The following RALA variants were observed in gnomAD, a reference collection of about 807,000 sequenced individuals.
RALA encodes RAS like proto-oncogene A, also known as ras-related protein Ral-A.
In RALA, 5 loss-of-function variants were observed where a neutral mutation model predicts 24.0. The ratio of observed to expected loss-of-function variants is 0.21; its 90% CI spans 0.11 to 0.44. The LOEUF is 0.44. Ranked by LOEUF, RALA falls within the 20% of genes least tolerant of loss-of-function variation. RALA has a pLI of 0.99. For missense variants in RALA, 95 were observed against 241.2 expected, an observed-to-expected ratio of 0.39 and a Z score of 4.01; for synonymous variants, 77 against 83.8, an observed-to-expected ratio of 0.92 and a Z score of 0.44.
chr7:39,690,305 A>C, intron 2 of RALA, 77 bp from the exon 3 acceptor site: 1 of 1,297,880 alleles, frequency 7.7e-7, no homozygotes, highest in East Asian at 2.5e-5. Flanking sequence ...TGGCAGCTTC[A>C]CATGAATTTA....
chr7:39,654,817 C>G (rs1468773098), intron 1 of RALA, among the ~76,000 whole-genome samples: 14 of 152,136 alleles, frequency 9.2e-5, no homozygotes, highest in Admixed American at 9.2e-4. Flanking sequence ...GTGGTGTGAT[C>G]ATGGCTCACT....
chr7:39,674,746 C>G (rs1305479275), intron 1 of RALA, among the ~76,000 whole-genome samples: 3 of 150,494 alleles, frequency 2.0e-5, no homozygotes, highest in African/African-American at 7.4e-5. Context: ...GGATGGGACC[C>G]AAGTCTAAAC....
At chr7:39,662,813 G>A (rs1792215966) in intron 1 of RALA, among the ~76,000 whole-genome samples, 1 of 151,976 alleles carries the variant, frequency 6.6e-6, no homozygotes, top group African/African-American at 2.4e-5. Context: ...ACATTTTTGG[G>A]TATCTTTACG....
At chr7:39,679,155 C>T (rs1792541482) in intron 1 of RALA, among the ~76,000 whole-genome samples, 1 of 150,850 alleles carries the variant, frequency 6.6e-6, no homozygotes, top group African/African-American at 2.4e-5. Context: ...TTTGTGGTTA[C>T]ATATTATTCC....
At chr7:39,675,981 CTT>C (rs1792480384) in intron 1 of RALA, among the ~76,000 whole-genome samples, 2 of 151,776 alleles carry the variant, frequency 1.3e-5, no homozygotes, top group South Asian at 4.2e-4. Context: ...GATCATAAGT[CTT>C]TTTATTTTTT....
At chr7:39,646,618 C>A (rs1791927147) in intron 1 of RALA, among the ~76,000 whole-genome samples, 1 of 152,150 alleles carries the variant, frequency 6.6e-6, no homozygotes, top group Non-Finnish European at 1.5e-5. Flanking sequence ...CAGAGCAAGA[C>A]CCTGTCTCAA....
At chr7:39,639,623 A>C (rs746844471) in intron 1 of RALA, among the ~76,000 whole-genome samples, 16 of 152,340 alleles carry the variant, frequency 1.1e-4, no homozygotes, top group Non-Finnish European at 2.2e-4. Context: ...GAGCACTTTT[A>C]TATCATATCC....
intron 1 of RALA, among the ~76,000 whole-genome samples, chr7:39,636,428 T>C (rs1468982409): frequency 6.6e-6 from 1 of 152,216 alleles, no homozygotes; most frequent in Non-Finnish European, 1.5e-5. Context: ...CTGTCTTCCT[T>C]CATCTGCTGG....
chr7:39,696,551 T>C (rs1302694819), intron 3 of RALA, 134 bp from the exon 4 acceptor site: 2 of 677,682 alleles, frequency 3.0e-6, no homozygotes, highest in Admixed American at 3.4e-5. Context: ...TGTATCGATA[T>C]TGGTTCATTA....
At chr7:39,624,955 C>T (rs1791455363) in intron 1 of RALA, among the ~76,000 whole-genome samples, 1 of 152,152 alleles carries the variant, frequency 6.6e-6, no homozygotes, top group Non-Finnish European at 1.5e-5. Context: ...CAATATTATT[C>T]TAAACCGACT....
intron 1 of RALA, among the ~76,000 whole-genome samples, chr7:39,636,947 C>A (rs1791693326): frequency 6.6e-6 from 1 of 152,208 alleles, no homozygotes; most frequent in Admixed American, 6.5e-5. Flanking sequence ...GATCCAGTCA[C>A]CTCCTACCAG....
intron 1 of RALA, among the ~76,000 whole-genome samples, chr7:39,634,909 C>G (rs1791660826): frequency 6.6e-6 from 1 of 152,036 alleles, no homozygotes; most frequent in Admixed American, 6.5e-5. Flanking sequence ...GTCTTTTTTG[C>G]ACATTCATTG....
intron 4 of RALA, among the ~76,000 whole-genome samples, chr7:39,697,963 GTGTGTGTGTGTATGTGTGTGTA>G (rs1262055708): frequency 8.9e-5 from 12 of 135,480 alleles, no homozygotes; most frequent in Admixed American, 5.0e-4. Context: ...GTGTGTGTGT[GTGTGTGTGTGTATGTGTGTGTA>G]TGTGTGTTTT....
At chr7:39,641,236 A>T (rs1352067820) in intron 1 of RALA, among the ~76,000 whole-genome samples, 1 of 152,192 alleles carries the variant, frequency 6.6e-6, no homozygotes, top group Non-Finnish European at 1.5e-5. Context: ...AACCAAAAGT[A>T]ATGAATAGAA....
At chr7:39,702,015 AC>A (rs1793037638) in intron 4 of RALA, among the ~76,000 whole-genome samples, 1 of 152,222 alleles carries the variant, frequency 6.6e-6, no homozygotes, top group Non-Finnish European at 1.5e-5. Context: ...GCAAATATTA[AC>A]AGATGTCCAA....
intron 1 of RALA, among the ~76,000 whole-genome samples, chr7:39,669,083 C>T (rs1048817171): frequency 1.6e-4 from 24 of 151,916 alleles, no homozygotes; most frequent in African/African-American, 5.3e-4. Context: ...CACTGCACTC[C>T]GGCCTAGCGA....
At chr7:39,682,038 T>C (rs1408733740) in intron 1 of RALA, among the ~76,000 whole-genome samples, 1 of 152,170 alleles carries the variant, frequency 6.6e-6, no homozygotes, top group African/African-American at 2.4e-5. Context: ...CCAAATAACA[T>C]AGTGGTTAGG....
chr7:39,674,000 A>G (rs995806687), intron 1 of RALA, among the ~76,000 whole-genome samples: 31 of 151,924 alleles, frequency 2.0e-4, no homozygotes, highest in South Asian at 1.5e-3. Context: ...AACAAAGAAA[A>G]TTAGCCTGGA....
At chr7:39,632,205 A>G (rs978586769) in intron 1 of RALA, among the ~76,000 whole-genome samples, 6 of 152,236 alleles carry the variant, frequency 3.9e-5, no homozygotes, top group East Asian at 1.9e-4. Flanking sequence ...AGAGACACAC[A>G]TCCAAATCAT....
Sources: allele counts gnomAD v4.1 joint callset (sites outside exome capture counted in the v4.1 genomes callset), GRCh38; gene constraint gnomAD v4.1.1; transcripts MANE v1.5; gene names NCBI Gene and HGNC (gene_info 2026-07-23, HGNC 2026-07-21).